The following ADCY5 variants were observed in gnomAD, a reference collection of about 807,000 sequenced individuals.
ADCY5 encodes adenylate cyclase type 5.
In ADCY5, 30 loss-of-function variants were observed where a neutral mutation model predicts 119.7. The observed-to-expected ratio is 0.25, with a 90% CI of 0.19 to 0.34. The LOEUF is 0.34. Ranked by LOEUF, ADCY5 falls within the 10% of genes least tolerant of loss-of-function variation. The pLI, the probability that ADCY5 is intolerant of heterozygous loss-of-function variation, is 1.00. For missense variants in ADCY5, 1,324 were observed against 1,775.2 expected (o/e 0.75, Z 4.57); for synonymous variants, 753 against 762.2 (o/e 0.99, Z 0.20).
At chr3:123,307,288 A>G (rs979149197) in intron 12 of ADCY5, among the ~76,000 whole-genome samples, 7 of 152,104 alleles carry the variant, frequency 4.6e-5, no homozygotes, top group African/African-American at 1.7e-4. Flanking sequence ...AATCTTGCTC[A>G]GCCTCTTATT....
intron 1 of ADCY5, among the ~76,000 whole-genome samples, chr3:123,399,883 G>C (rs1221487928): frequency 6.6e-6 from 1 of 152,120 alleles, no homozygotes; most frequent in Non-Finnish European, 1.5e-5. Context: ...TGCAAGTCGG[G>C]AATTAATATC....
chr3:123,288,859 C>T (rs956873700), intron 19 of ADCY5, among the ~76,000 whole-genome samples: 35 of 152,186 alleles, frequency 2.3e-4, no homozygotes, highest in Admixed American at 4.6e-4. Context: ...ACAGAGGTAT[C>T]GGCACAGCCC....
intron 3 of ADCY5, among the ~76,000 whole-genome samples, chr3:123,334,899 C>A (rs557635061): frequency 6.6e-6 from 1 of 152,310 alleles, no homozygotes; most frequent in South Asian, 2.1e-4. Flanking sequence ...CTCATTTATC[C>A]CTGCTGTCAG....
intron 14 of ADCY5, among the ~76,000 whole-genome samples, chr3:123,302,686 A>C (rs754027282): frequency 8.5e-5 from 13 of 152,306 alleles, no homozygotes; most frequent in Non-Finnish European, 1.6e-4. Context: ...ATCTGGGGCA[A>C]ATTACTTAGC....
chr3:123,437,681 T>A (rs1362567104), intron 1 of ADCY5, among the ~76,000 whole-genome samples: 1 of 152,178 alleles, frequency 6.6e-6, no homozygotes, highest in Non-Finnish European at 1.5e-5. Context: ...ATGAGCTTCC[T>A]CCTTTTGGAG....
At chr3:123,289,702 TCTGC>T (rs1189763551) in intron 19 of ADCY5, 44 bp downstream of exon 19, 8 of 1,600,434 alleles carry the variant, frequency 5.0e-6, no homozygotes, top group Non-Finnish European at 6.8e-6. Context: ...CTGCCAGCCC[TCTGC>T]CTGACTGCAC....
At chr3:123,340,663 A>G (rs1292563929) in intron 3 of ADCY5, among the ~76,000 whole-genome samples, 5 of 152,152 alleles carry the variant, frequency 3.3e-5, no homozygotes, top group Non-Finnish European at 7.3e-5. Flanking sequence ...CTTTTGTTGG[A>G]ACACAATCCC....
intron 1 of ADCY5, among the ~76,000 whole-genome samples, chr3:123,396,469 A>C (rs116543639): frequency 0.022 from 3,038 of 141,080 alleles, 119 homozygotes; most frequent in East Asian, 0.19. Flanking sequence ...GAGACAAAGA[A>C]AGAAAGAAAG....
chr3:123,332,064 T>C (rs1449347312), intron 4 of ADCY5, among the ~76,000 whole-genome samples: 2 of 151,816 alleles, frequency 1.3e-5, no homozygotes, highest in South Asian at 2.1e-4. Context: ...GGCCATGGAG[T>C]GTTACTTCCA....
intron 1 of ADCY5, among the ~76,000 whole-genome samples, chr3:123,388,129 T>G (rs975666032): frequency 3.3e-5 from 5 of 152,152 alleles, no homozygotes; most frequent in South Asian, 2.1e-4. Flanking sequence ...AGTGATGTGC[T>G]CAGACCTGAA....
At chr3:123,305,277 A>G (rs1286364145) in intron 12 of ADCY5, among the ~76,000 whole-genome samples, 1 of 152,160 alleles carries the variant, frequency 6.6e-6, no homozygotes, top group Admixed American at 6.5e-5. Context: ...TCTTGCTTAA[A>G]CTGCCAGACC....
intron 4 of ADCY5, among the ~76,000 whole-genome samples, chr3:123,331,236 C>A (rs765210976): frequency 6.6e-6 from 1 of 152,150 alleles, no homozygotes; most frequent in Non-Finnish European, 1.5e-5. Flanking sequence ...GCTGGGCAGC[C>A]CTGAGCGGCA....
At chr3:123,298,823 A>G (rs1210457066) in intron 15 of ADCY5, among the ~76,000 whole-genome samples, 1 of 68,714 alleles carries the variant, frequency 1.5e-5, no homozygotes, top group African/African-American at 5.6e-5. Context: ...GGGACACAAA[A>G]CTGTCACTTT....
At chr3:123,398,083 C>T (rs1944654146) in intron 1 of ADCY5, among the ~76,000 whole-genome samples, 1 of 152,218 alleles carries the variant, frequency 6.6e-6, no homozygotes, top group Non-Finnish European at 1.5e-5. Flanking sequence ...TCTACTGCCT[C>T]AGCCCTGCAG....
At chr3:123,361,531 A>C (rs1943248387) in intron 1 of ADCY5, among the ~76,000 whole-genome samples, 1 of 127,322 alleles carries the variant, frequency 7.9e-6, no homozygotes, top group Non-Finnish European at 1.6e-5. Context: ...TACTTTCCAC[A>C]CCTGTGGATT....
intron 12 of ADCY5, among the ~76,000 whole-genome samples, chr3:123,307,173 CTT>C (rs377226445): frequency 2.0e-4 from 30 of 152,282 alleles, no homozygotes; most frequent in African/African-American, 7.2e-4. Context: ...AGTTGAATAA[CTT>C]TGTGAATATA....
intron 15 of ADCY5, among the ~76,000 whole-genome samples, chr3:123,298,229 C>A (rs1232301714): frequency 6.6e-6 from 1 of 152,162 alleles, no homozygotes; most frequent in Non-Finnish European, 1.5e-5. Flanking sequence ...GATCCAACCA[C>A]CTCAGCCTCC....
chr3:123,409,828 C>T (rs950785555), intron 1 of ADCY5, among the ~76,000 whole-genome samples: 5 of 152,206 alleles, frequency 3.3e-5, no homozygotes, highest in African/African-American at 9.7e-5. Flanking sequence ...ACCGGCCCCT[C>T]CCACCCTCCA....
chr3:123,293,918 TCA>T (rs900789175), intron 17 of ADCY5, among the ~76,000 whole-genome samples: 32 of 152,242 alleles, frequency 2.1e-4, no homozygotes, highest in African/African-American at 7.7e-4. Context: ...TTTGAAGAAA[TCA>T]CAGATTCCCG....
Sources: allele counts gnomAD v4.1 joint callset (sites outside exome capture counted in the v4.1 genomes callset), GRCh38; gene constraint gnomAD v4.1.1; transcripts MANE v1.5; gene names NCBI Gene and HGNC (gene_info 2026-07-23, HGNC 2026-07-21).